The following COL23A1 variants were observed in gnomAD, a reference collection of about 807,000 sequenced individuals.
COL23A1 encodes the protein collagen type XXIII alpha 1 chain, also known as collagen alpha-1(XXIII) chain.
A neutral mutation model predicts 99.3 loss-of-function variants in COL23A1; 97 were observed. The observed-to-expected ratio is 0.98, with a 90% CI of 0.83 to 1.16. The LOEUF is 1.16. Among genes scored for constraint, COL23A1 ranks in the 50% most tolerant of loss-of-function variants. The pLI is 0.00. For missense variants in COL23A1, 762 were observed against 757.4 expected (o/e 1.01, Z -0.07); for synonymous variants, 320 against 308.2 (o/e 1.04, Z -0.40).
At chr5:178,467,873 G>A (rs190818700) in intron 2 of COL23A1, among the ~76,000 whole-genome samples, 22 of 152,300 alleles carry the variant, frequency 1.4e-4, no homozygotes, top group Non-Finnish European at 3.1e-4. Flanking sequence ...ACTGCAGCAG[G>A]CTGGAGTCCG....
Position 178,589,848 on chromosome 5 carries a change from G to A in COL23A1, c.294+56C>T. On this transcript the variant is annotated intron_variant, in intron 1 of 28. Coordinates refer to ENST00000390654, the MANE Select transcript of COL23A1 (RefSeq NM_173465.4). This position sits in a 1 kb window ranked among gnomAD's most constrained non-coding sequence, Gnocchi z 5.4. ...CGCTGCCCCCGGCTCCCAGCGTACCGCCACCCTCAACCCGACACACCCAAG... is the reference window on the plus strand; with the variant it reads ...CGCTGCCCCCGGCTCCCAGCGTACCACCACCCTCAACCCGACACACCCAAG... 4 of 1,245,552 alleles carry A rather than the reference G, an allele frequency of 3.2e-6. No homozygotes were observed. Among genetic ancestry groups the A allele is most frequent in the South Asian group, 2.9e-5 (1 of 34,766 alleles). The allele number at this position is 1,245,552 out of a possible 1,614,324, so 77.2% of individuals were successfully genotyped here.
chr5:178,267,310 G>A lies in COL23A1; in HGVS notation c.519C>T (p.Pro173=), dbSNP rs764429630. 6.2e-7 allele frequency: 1 copy of A among 1,614,116 alleles called. No individual in the cohort carries two copies. The highest frequency in any genetic ancestry group is 1.7e-5 in the Admixed American group (1 of 60,018). Reference sequence around the variant, plus strand: ...GGAGGTCATGCCTGGTTCTTACCCGGGGGCCAAAGTCTCCTGGTGCACCCT... The same window carrying A: ...GGAGGTCATGCCTGGTTCTTACCCGAGGGCCAAAGTCTCCTGGTGCACCCT... ...GEKGAPGDFG[P]RGDQGQDGAA... The change falls in exon 8 of 29, where the codon CCC becomes CCT. Residue 173 remains proline, a synonymous_variant. Transcript: ENST00000390654.
rs530573065 is a variant in COL23A1 at position 178,252,016 on chromosome 5, C to T, written c.1014+528G>A. ...GCGACCTCTGCCTCCCAGGTTCAAG[C>T]GATTCTCCTGCCTCAGCCTCTCAAG... is the stretch of plus-strand genomic sequence containing the variant. On this transcript the variant is annotated intron_variant, in intron 17 of 28. Transcript: ENST00000390654. Among the ~76,000 whole-genome samples, 80 of 151,370 alleles carry T rather than the reference C, an allele frequency of 5.3e-4. 1 individual carries two copies. The highest frequency in any genetic ancestry group is 1.9e-3 in the African/African-American group (77 of 41,236).
chr5:178,281,663 C>CA lies in COL23A1; in HGVS notation c.441+6660dup, dbSNP rs1756908289. 6.6e-6 allele frequency among the ~76,000 whole-genome samples: 1 copy of CA among 152,208 alleles called. No individual in the cohort carries two copies. The highest frequency in any genetic ancestry group is 1.5e-5 in the Non-Finnish European group (1 of 68,038). On this transcript the variant is annotated intron_variant, in intron 5 of 28. Transcript: ENST00000390654. The surrounding 1 kb of genome is among the most constrained non-coding windows in gnomAD (Gnocchi z 4.0). The stretch of plus-strand genomic sequence containing the variant: ...AATTAGTGCAACCGCCTCCTACCCG[C>CA]ACCCCTTCCTCCAGTTTCTGCCCTG...
intron 2 of COL23A1, among the ~76,000 whole-genome samples, chr5:178,547,471 A>ACACACCCACACACACACCCACACACCCC (rs1761651754): frequency 4.4e-5 from 6 of 135,666 alleles, no homozygotes; most frequent in Non-Finnish European, 9.5e-5. Context: ...ACACACACCC[A>ACACACCCACACACACACCCACACACCCC]CACACCCACA....
At chr5:178,362,134 G>C (rs1762204983) in intron 2 of COL23A1, among the ~76,000 whole-genome samples, 1 of 152,238 alleles carries the variant, frequency 6.6e-6, no homozygotes, top group Non-Finnish European at 1.5e-5. Context: ...GCAGGGCATT[G>C]AGGTGGGAAC....
chr5:178,543,897 C>T (rs138794454), intron 2 of COL23A1, among the ~76,000 whole-genome samples: 2 of 152,188 alleles, frequency 1.3e-5, no homozygotes, highest in Non-Finnish European at 1.5e-5. Context: ...GCAGATTCAG[C>T]GTCTGGTGAG....
rs1375658756 is a variant in COL23A1, at chr5:178,306,625, G to T, written c.406+250C>A. Among the ~76,000 whole-genome samples the T allele has an allele frequency of 6.7e-6, 1 of 150,128 alleles. No homozygotes were observed. Among genetic ancestry groups the T allele is most frequent in the South Asian group, 2.1e-4 (1 of 4,682 alleles). On this transcript the variant is annotated intron_variant, in intron 3 of 28. Coordinates refer to ENST00000390654, the MANE Select transcript of COL23A1 (RefSeq NM_173465.4). This position sits in a 1 kb window ranked among gnomAD's most constrained non-coding sequence, Gnocchi z 4.1. ...GAGTGGGGGACTAGGGGCCAACAAC[G>T]AGGTTCGGGGGATGACTGGGGGCAG...
At chr5:178,273,661 C>T (rs147561818) in intron 5 of COL23A1, among the ~76,000 whole-genome samples, 23 of 152,324 alleles carry the variant, frequency 1.5e-4, no homozygotes, top group African/African-American at 5.5e-4. Flanking sequence ...ACACAGCAGA[C>T]GGGGCTGGGC....
intron 3 of COL23A1, among the ~76,000 whole-genome samples, chr5:178,302,580 G>A (rs1758134126): frequency 6.6e-6 from 1 of 152,240 alleles, no homozygotes; most frequent in African/African-American, 2.4e-5. Context: ...AGCCAGAGGT[G>A]AGAGACTGGG....
At chr5:178,502,413 G>A (rs1026576962) in intron 2 of COL23A1, among the ~76,000 whole-genome samples, 1 of 152,368 alleles carries the variant, frequency 6.6e-6, no homozygotes, top group Middle Eastern at 3.4e-3. Context: ...TTACAGGCGT[G>A]AGCCACTGCG....
intron 2 of COL23A1, among the ~76,000 whole-genome samples, chr5:178,394,671 G>C (rs559033169): frequency 6.6e-6 from 1 of 152,236 alleles, no homozygotes; most frequent in Non-Finnish European, 1.5e-5. Context: ...CTGACACGCA[G>C]AGGGGACTGC....
intron 2 of COL23A1, among the ~76,000 whole-genome samples, chr5:178,549,246 G>A (rs1440213709): frequency 1.3e-5 from 2 of 151,648 alleles, no homozygotes; most frequent in African/African-American, 2.4e-5. Flanking sequence ...CACCCGCCTC[G>A]GCCTCCCAAA....
intron 2 of COL23A1, among the ~76,000 whole-genome samples, chr5:178,322,875 G>T (rs1411266309): frequency 6.6e-6 from 1 of 152,220 alleles, no homozygotes; most frequent in Non-Finnish European, 1.5e-5. Context: ...GCAGGCTGGG[G>T]ACAGGCGGAT....
chr5:178,576,825 G>C (rs928138668), intron 1 of COL23A1, among the ~76,000 whole-genome samples: 3 of 151,840 alleles, frequency 2.0e-5, no homozygotes, highest in Non-Finnish European at 4.4e-5. Context: ...CCTCCAGCGC[G>C]GGCCTCTCGG....
intron 1 of COL23A1, among the ~76,000 whole-genome samples, chr5:178,586,386 G>A (rs1038292356): frequency 6.6e-6 from 1 of 152,182 alleles, no homozygotes; most frequent in Non-Finnish European, 1.5e-5. Flanking sequence ...ACTCTCTTCT[G>A]CTGATAGGAA....
At chr5:178,420,948 G>A (rs2127797423) in intron 2 of COL23A1, among the ~76,000 whole-genome samples, 1 of 151,946 alleles carries the variant, frequency 6.6e-6, no homozygotes, top group Non-Finnish European at 1.5e-5. Context: ...AAAACAGAAT[G>A]TCTCCCTCCC....
chr5:178,321,010 TG>T (rs1389923650), intron 2 of COL23A1, among the ~76,000 whole-genome samples: 1 of 152,262 alleles, frequency 6.6e-6, no homozygotes, highest in Non-Finnish European at 1.5e-5. Context: ...AGCTGTGTTT[TG>T]GGCAGCAGGA....
At chr5:178,425,466 T>TAAAA (rs1554164978) in intron 2 of COL23A1, among the ~76,000 whole-genome samples, 91 of 130,568 alleles carry the variant, frequency 7.0e-4, no homozygotes, top group Non-Finnish European at 1.1e-3. Flanking sequence ...AATAAATAAA[T>TAAAA]AAAAATAAAA....
Sources: gnomAD v4.1 joint callset for allele counts (sites outside exome capture counted in the v4.1 genomes callset) on GRCh38, gnomAD v4.1.1 for gene constraint, Gnocchi (gnomAD v3.1) non-coding constraint, MANE v1.5 for transcripts, NCBI Gene and HGNC (gene_info 2026-07-23, HGNC 2026-07-21) for gene names.